Variants in RBFOX1 observed in about 807,000 individuals in gnomAD.
The protein encoded by RBFOX1 is RNA binding protein fox-1 homolog 1.
RBFOX1 carries 8 observed loss-of-function variants against 57.7 expected under a neutral mutation model. The observed-to-expected ratio is 0.14, with a 90% CI of 0.08 to 0.25. The LOEUF (loss-of-function observed/expected upper bound fraction) is 0.25, where lower values mean the gene tolerates loss of function less well. Ranked by LOEUF, RBFOX1 falls within the 10% of genes least tolerant of loss-of-function variation. The probability of loss-of-function intolerance (pLI) is 1.00; values close to 1 mark genes in which losing one functional copy is unlikely to be tolerated. For missense variants in RBFOX1, 611 were observed against 548.5 expected (o/e 1.11, Z -1.14); for synonymous variants, 326 against 222.4 (o/e 1.47, Z -4.15).
At chr16:5,504,902 G>A (rs966117252) in intron 2 of RBFOX1, among the ~76,000 whole-genome samples, 1 of 152,208 alleles carries the variant, frequency 6.6e-6, no homozygotes, top group South Asian at 2.1e-4. Flanking sequence ...AGGCAGATCT[G>A]TAGAGACAGA....
At chr16:6,453,102 CT>C in intron 2 of RBFOX1, among the ~76,000 whole-genome samples, 1 of 152,236 alleles carries the variant, frequency 6.6e-6, no homozygotes. Context: ...GACAAAGCCC[CT>C]GACTTTCTTT....
chr16:6,566,746 C>G (rs2097272091), intron 2 of RBFOX1, among the ~76,000 whole-genome samples: 2 of 152,114 alleles, frequency 1.3e-5, no homozygotes, highest in Non-Finnish European at 1.5e-5. Context: ...ATATGAGAAA[C>G]AGGATCTGTG....
At chr16:7,530,947 C>G (rs2079907746) in intron 5 of RBFOX1, among the ~76,000 whole-genome samples, 1 of 152,076 alleles carries the variant, frequency 6.6e-6, no homozygotes, top group Admixed American at 6.6e-5. Context: ...TGTACCTGGG[C>G]TTGAGGACCT....
In RBFOX1 at chr16:5,646,533, G is replaced by T. The variant is rs180967101; in HGVS notation, c.318+47572G>T. Among the ~76,000 whole-genome samples the T allele has an allele frequency of 5.8e-3, 877 of 152,290 alleles. 7 individuals are homozygous for T. The highest frequency in any genetic ancestry group is 0.02 in the African/African-American group (846 of 41,558). On this transcript the variant is annotated intron_variant, in intron 3 of 19. Transcript: ENST00000641259. ...TGCATTGTGTATGTAGGATGTGCAG[G>T]AGGAGAATGCAGAGGAGACACCTGC...
intron 4 of RBFOX1, among the ~76,000 whole-genome samples, chr16:7,359,144 GC>G (rs2097272301): frequency 6.6e-6 from 1 of 152,150 alleles, no homozygotes; most frequent in Non-Finnish European, 1.5e-5. Flanking sequence ...CCAATTCCTA[GC>G]CATCCGTGCA....
chr16:5,778,162 A>G (rs1262237900), intron 3 of RBFOX1, among the ~76,000 whole-genome samples: 1 of 152,064 alleles, frequency 6.6e-6, no homozygotes, highest in Non-Finnish European at 1.5e-5. Context: ...TAGAAGGATA[A>G]ATTGGGGAAG....
chr16:7,094,543 T>C (rs1193049548), intron 4 of RBFOX1, among the ~76,000 whole-genome samples: 3 of 152,182 alleles, frequency 2.0e-5, no homozygotes, highest in Non-Finnish European at 2.9e-5. Context: ...CCTGATGTTA[T>C]CATTCGAAGT....
chr16:5,284,073 A>T (rs2063335245), intron 1 of RBFOX1, among the ~76,000 whole-genome samples: 1 of 151,996 alleles, frequency 6.6e-6, no homozygotes, highest in East Asian at 1.9e-4. Context: ...AAGTCTCGCA[A>T]GATCTGATGG....
chr16:5,358,058 C>G (rs1026023195), intron 1 of RBFOX1, among the ~76,000 whole-genome samples: 2 of 152,100 alleles, frequency 1.3e-5, no homozygotes, highest in Non-Finnish European at 2.9e-5. Flanking sequence ...GCTTAGACTC[C>G]GAGACCAAGA....
intron 1 of RBFOX1, among the ~76,000 whole-genome samples, chr16:6,313,567 G>A (rs2080658906): frequency 6.6e-6 from 1 of 152,158 alleles, no homozygotes; most frequent in Non-Finnish European, 1.5e-5. Context: ...GAAGTAATCG[G>A]TTTGCTATTT....
chr16:7,617,182 T>C (rs2058581840), intron 10 of RBFOX1, among the ~76,000 whole-genome samples: 1 of 152,162 alleles, frequency 6.6e-6, no homozygotes, highest in African/African-American at 2.4e-5. Flanking sequence ...AAACAACTTA[T>C]CACTGTAGGC....
intron 2 of RBFOX1, among the ~76,000 whole-genome samples, chr16:5,472,350 TC>T (rs1387089273): frequency 1.3e-5 from 2 of 151,858 alleles, no homozygotes; most frequent in Non-Finnish European, 2.9e-5. Context: ...CCCAACATTG[TC>T]CCCCCAACCC....
intron 3 of RBFOX1, among the ~76,000 whole-genome samples, chr16:5,831,981 C>A (rs1396715261): frequency 6.6e-6 from 1 of 152,130 alleles, no homozygotes; most frequent in Non-Finnish European, 1.5e-5. Context: ...AAAAATGGGG[C>A]AGATGTTAGC....
intron 3 of RBFOX1, among the ~76,000 whole-genome samples, chr16:6,829,276 A>G (rs2092497058): frequency 6.6e-6 from 1 of 152,086 alleles, no homozygotes; most frequent in Non-Finnish European, 1.5e-5. Context: ...TAAAAGGAGA[A>G]ATCTGAGAAG....
intron 2 of RBFOX1, among the ~76,000 whole-genome samples, chr16:6,479,253 A>G (rs553175351): frequency 2.6e-5 from 4 of 152,320 alleles, no homozygotes; most frequent in Admixed American, 6.5e-5. Context: ...ACTTTCAATT[A>G]TGGCGGAAGA....
intron 1 of RBFOX1, among the ~76,000 whole-genome samples, chr16:6,229,160 C>A (rs1477883567): frequency 1.3e-5 from 2 of 152,018 alleles, no homozygotes; most frequent in East Asian, 3.9e-4. Context: ...TACCTTTTAC[C>A]CCCCGAGACT....
At chr16:5,988,471 G>T (rs2060324083) in intron 4 of RBFOX1, among the ~76,000 whole-genome samples, 1 of 152,128 alleles carries the variant, frequency 6.6e-6, no homozygotes, top group African/African-American at 2.4e-5. Flanking sequence ...ATGAATTCCT[G>T]TCTTAGGTCT....
chr16:7,591,565 G>C (rs1335748252), intron 7 of RBFOX1, among the ~76,000 whole-genome samples: 1 of 152,160 alleles, frequency 6.6e-6, no homozygotes, highest in Non-Finnish European at 1.5e-5. Flanking sequence ...ATCCTCTTAA[G>C]GTCCCCGTTA....
chr16:6,072,234 C>G (rs374691159), intron 1 of RBFOX1, among the ~76,000 whole-genome samples: 373 of 152,284 alleles, frequency 2.4e-3, no homozygotes, highest in African/African-American at 8.6e-3. Context: ...AACCCACCCC[C>G]CCATGATCCA....
Sources: allele counts gnomAD v4.1 joint callset (sites outside exome capture counted in the v4.1 genomes callset), GRCh38; gene constraint gnomAD v4.1.1; transcripts MANE v1.5; gene names NCBI Gene and HGNC (gene_info 2026-07-23, HGNC 2026-07-21).